Variants in CAMSAP1 observed in about 807,000 individuals in gnomAD.
The protein encoded by CAMSAP1 is calmodulin regulated spectrin associated protein 1, also known as calmodulin-regulated spectrin-associated protein 1.
Under a neutral mutation model 143.5 loss-of-function variants are expected in CAMSAP1, and 58 were observed. That is an observed-to-expected ratio of 0.40 (90% CI 0.33 to 0.50). CAMSAP1 has a LOEUF of 0.50. CAMSAP1 is among the 20% of genes least tolerant of loss of function. CAMSAP1 has a pLI of 0.45. For missense variants in CAMSAP1, 1,969 were observed against 2,115.7 expected, an observed-to-expected ratio of 0.93 and a Z score of 1.36; for synonymous variants, 945 against 859.3, an observed-to-expected ratio of 1.10 and a Z score of -1.74.
chr9:135,871,736 C>G (rs1837576765), intron 3 of CAMSAP1, among the ~76,000 whole-genome samples: 1 of 151,540 alleles, frequency 6.6e-6, no homozygotes, highest in Non-Finnish European at 1.5e-5. Flanking sequence ...TGAGAACAGC[C>G]TGGGCAACAC....
chr9:135,890,918 G>A (rs554099067), intron 1 of CAMSAP1, among the ~76,000 whole-genome samples: 5 of 152,248 alleles, frequency 3.3e-5, no homozygotes, highest in South Asian at 2.1e-4. Context: ...CCTCTCTCCC[G>A]CTGACAACAG....
At chr9:135,859,865 C>G (rs1361790212) in intron 5 of CAMSAP1, among the ~76,000 whole-genome samples, 3 of 151,850 alleles carry the variant, frequency 2.0e-5, no homozygotes, top group Non-Finnish European at 4.4e-5. Context: ...GCAGGCTGCA[C>G]ACAATGAAGG....
chr9:135,850,589 G>A (rs1247536130), intron 5 of CAMSAP1, 128 bp from the exon 6 acceptor site: 4 of 720,288 alleles, frequency 5.6e-6, no homozygotes, highest in African/African-American at 1.8e-5. Flanking sequence ...GAGAGATGTA[G>A]GGAGTATAGG....
At chr9:135,883,193 G>C in intron 1 of CAMSAP1, 115 bp from the exon 2 acceptor site, 1 of 1,110,878 alleles carries the variant, frequency 9.0e-7, no homozygotes, top group African/African-American at 1.6e-5. Flanking sequence ...GCAACACAGG[G>C]AGACCAAGTG....
At chr9:135,812,350 G>A (rs1835080887) in intron 16 of CAMSAP1, among the ~76,000 whole-genome samples, 1 of 152,100 alleles carries the variant, frequency 6.6e-6, no homozygotes, top group Admixed American at 6.5e-5. Context: ...AGGAATGGAG[G>A]TCCGGTACAC....
intron 10 of CAMSAP1, 66 bp downstream of exon 10, chr9:135,823,884 T>C: frequency 6.3e-6 from 8 of 1,270,974 alleles, no homozygotes; most frequent in Non-Finnish European, 9.0e-6. Context: ...TGGGGTGACA[T>C]CTTAAGAACT....
intron 8 of CAMSAP1, among the ~76,000 whole-genome samples, chr9:135,825,453 A>T (rs1438087848): frequency 6.6e-6 from 1 of 152,212 alleles, no homozygotes; most frequent in East Asian, 1.9e-4. Context: ...AAAATCACTC[A>T]CACCTTTACC....
rs925951086 is a variant in CAMSAP1 at position 135,818,332 on chromosome 9, T to C, written c.4168+76A>G. On this transcript the variant is annotated intron_variant, in intron 13 of 16. Coordinates refer to ENST00000389532, the MANE Select transcript of CAMSAP1 (RefSeq NM_015447.4). The surrounding 1 kb of genome is among the most constrained non-coding windows in gnomAD (Gnocchi z 7.7). ...CCTCACACCACTCTTGATGACAAAATTGAAATGAGCTGAAGAACGTGAGGC... is the reference window on the plus strand; with the variant it reads ...CCTCACACCACTCTTGATGACAAAACTGAAATGAGCTGAAGAACGTGAGGC... 20 of 1,443,278 alleles carry C rather than the reference T, an allele frequency of 1.4e-5. No homozygotes were observed. The highest frequency in any genetic ancestry group is 1.1e-4 in the African/African-American group (8 of 70,746). The allele number at this position is 1,443,278 out of a possible 1,614,324, so 89.4% of individuals were successfully genotyped here.
intron 16 of CAMSAP1, among the ~76,000 whole-genome samples, chr9:135,813,507 C>T (rs1259273142): frequency 2.0e-5 from 3 of 152,202 alleles, no homozygotes; most frequent in Non-Finnish European, 4.4e-5. Flanking sequence ...AAGAAAGAAA[C>T]ATTTAATTTG....
chr9:135,861,331 G>A (rs562088843), intron 5 of CAMSAP1, among the ~76,000 whole-genome samples: 61 of 139,840 alleles, frequency 4.4e-4, no homozygotes, highest in African/African-American at 1.3e-3. Flanking sequence ...TTTTCCCCCC[G>A]AGACAGAGTC....
intron 8 of CAMSAP1, 49 bp downstream of exon 8, chr9:135,827,358 A>C: frequency 1.4e-6 from 2 of 1,405,160 alleles, no homozygotes; most frequent in South Asian, 1.8e-5. Flanking sequence ...TAACACAAAA[A>C]GGGACACAAG....
At chr9:135,865,359 G>C (rs753113987) in intron 4 of CAMSAP1, 40 of 1,550,548 alleles carry the variant, frequency 2.6e-5, no homozygotes, top group Non-Finnish European at 3.2e-5. Flanking sequence ...ACCACTTGGA[G>C]GGAGACTGCT....
At chr9:135,906,618 G>C (rs757702712) in intron 1 of CAMSAP1, among the ~76,000 whole-genome samples, 1 of 152,234 alleles carries the variant, frequency 6.6e-6, no homozygotes, top group African/African-American at 2.4e-5. Context: ...AGCACTGGAC[G>C]ATGCCCGGCG....
chr9:135,819,715 C>CA (rs1357835957), intron 11 of CAMSAP1, among the ~76,000 whole-genome samples: 1 of 149,460 alleles, frequency 6.7e-6, no homozygotes, highest in Non-Finnish European at 1.5e-5. Flanking sequence ...GGCATGGTGG[C>CA]ACACGCCTGT....
rs1055375086 is a variant in CAMSAP1, at chr9:135,810,216, A to C, written c.*1093T>G. The C allele has an allele frequency of 1.3e-5, 2 of 152,280 alleles. No homozygotes were observed. The highest frequency in any genetic ancestry group is 4.8e-5 in the African/African-American group (2 of 41,448). The allele number at this position is 152,280 out of a possible 1,614,324, so 9.4% of individuals were successfully genotyped here. A position where few individuals can be genotyped will look rare whatever the true frequency, so the allele number is the denominator to read the frequency against. ...TCCACTTACTTGGAGTTCTGAAATA[A>C]CTGCAAATAACCACTTAATTGTTTT... On this transcript the variant is annotated 3_prime_UTR_variant, in exon 17 of 17. Coordinates refer to ENST00000389532, the MANE Select transcript of CAMSAP1 (RefSeq NM_015447.4).
At chr9:135,828,137 G>GCGC (rs1835740665) in intron 7 of CAMSAP1, among the ~76,000 whole-genome samples, 1 of 152,254 alleles carries the variant, frequency 6.6e-6, no homozygotes, top group Non-Finnish European at 1.5e-5. Flanking sequence ...CCTGGCTGGG[G>GCGC]CGCCATTCCC....
chr9:135,881,950 C>T (rs538298086), intron 2 of CAMSAP1, among the ~76,000 whole-genome samples, 156 bp from the exon 3 acceptor site: 43 of 152,238 alleles, frequency 2.8e-4, no homozygotes, highest in Non-Finnish European at 5.7e-4. Flanking sequence ...CTGCCTCCCC[C>T]GCACCATCAC....
Position 135,818,171 on chromosome 9 carries a change from A to G in CAMSAP1, c.4169-92T>C. Reference sequence around the variant, plus strand: ...ACCTGTTCCCCTCACCTCGCCCTGCAGAGCTCGGCCACACAGGCCGCGTCC... The same window carrying G: ...ACCTGTTCCCCTCACCTCGCCCTGCGGAGCTCGGCCACACAGGCCGCGTCC... On this transcript the variant is annotated intron_variant, in intron 13 of 16. Transcript: ENST00000389532. The surrounding 1 kb of genome is among the most constrained non-coding windows in gnomAD (Gnocchi z 7.7). The G allele has an allele frequency of 7.3e-7, 1 of 1,371,290 alleles. No homozygotes were observed. Among genetic ancestry groups the G allele is most frequent in the South Asian group, 1.3e-5 (1 of 78,298 alleles). The allele number at this position is 1,371,290 out of a possible 1,614,324, so 84.9% of individuals were successfully genotyped here.
chr9:135,809,835 T>C lies in CAMSAP1; in HGVS notation c.*1474A>G, dbSNP rs1344844252. 6.6e-6 allele frequency: 1 copy of C among 152,578 alleles called. No individual in the cohort carries two copies. Among genetic ancestry groups the C allele is most frequent in the Non-Finnish European group, 1.5e-5 (1 of 68,034 alleles). 9.5% of individuals were successfully genotyped at this position (152,578 alleles called of 1,614,324 possible). ...GAGACTGTACTTCTCTTCAAAGGAC[T>C]GAGGAAAGGGGAATAAGACCTATAA... is the stretch of plus-strand genomic sequence containing the variant. On this transcript the variant is annotated 3_prime_UTR_variant, in exon 17 of 17. Coordinates refer to ENST00000389532, the MANE Select transcript of CAMSAP1 (RefSeq NM_015447.4).
Sources: allele counts gnomAD v4.1 joint callset (sites outside exome capture counted in the v4.1 genomes callset), GRCh38; gene constraint gnomAD v4.1.1; non-coding constraint Gnocchi (gnomAD v3.1); transcripts MANE v1.5; gene names NCBI Gene and HGNC (gene_info 2026-07-23, HGNC 2026-07-21).